The following PARVA variants were observed in gnomAD, a reference collection of about 807,000 sequenced individuals.
PARVA encodes the protein alpha-parvin.
In PARVA, 25 loss-of-function variants were observed where a neutral mutation model predicts 52.6. The observed-to-expected ratio is 0.48, with a 90% CI of 0.35 to 0.66. The LOEUF (loss-of-function observed/expected upper bound fraction) is 0.66, where lower values mean the gene tolerates loss of function less well. Ranked by LOEUF, PARVA falls within the 30% of genes least tolerant of loss-of-function variation. The pLI is 0.01. For synonymous variants in PARVA, 185 were observed against 179.1 expected, an observed-to-expected ratio of 1.03 and a Z score of -0.26; for missense variants, 373 against 450.9, an observed-to-expected ratio of 0.83 and a Z score of 1.56.
chr11:12,388,083 A>T (rs1319255720), intron 1 of PARVA, among the ~76,000 whole-genome samples: 1 of 152,196 alleles, frequency 6.6e-6, no homozygotes, highest in Non-Finnish European at 1.5e-5. Flanking sequence ...AATCAGCCAG[A>T]TGCAGAGCCA....
rs372405862 is a variant in PARVA at position 12,504,447 on chromosome 11, A to G, written c.657+18A>G. On this transcript the variant is annotated intron_variant, in intron 6 of 12. Transcript: ENST00000334956. ...TGGTCCAGGTAAGACAGGTAACACT[A>G]CAAACATCTGTGTCTTTAAAGAGTC... 1.3e-4 allele frequency: 195 copies of G among 1,472,158 alleles called. 1 individual carries two copies. The highest frequency in any genetic ancestry group is 1.7e-4 in the Non-Finnish European group (182 of 1,051,256). 91.2% of individuals were successfully genotyped at this position (1,472,158 alleles called of 1,614,324 possible). A position where few individuals can be genotyped will look rare whatever the true frequency, so the allele number is the denominator to read the frequency against.
At chr11:12,488,335 T>C (rs938817737) in intron 4 of PARVA, among the ~76,000 whole-genome samples, 2 of 152,210 alleles carry the variant, frequency 1.3e-5, no homozygotes, top group African/African-American at 4.8e-5. Flanking sequence ...AAAATCTGGA[T>C]AAGCCTTCAA....
At position 12,477,931 on chromosome 11, in the gene PARVA, G is replaced by A. The variant is rs1180694478; in HGVS notation, c.382G>A (p.Val128Ile). The A allele has an allele frequency of 1.2e-6, 2 of 1,604,596 alleles. No homozygotes were observed. Among genetic ancestry groups the A allele is most frequent in the South Asian group, 1.1e-5 (1 of 90,860 alleles). ...AGCTGAAGATTTGTATGATGGACAAGTCCTGCAGAAGCTTTTCGGTAGGAG... is the reference window on the plus strand; with the variant it reads ...AGCTGAAGATTTGTATGATGGACAAATCCTGCAGAAGCTTTTCGGTAGGAG... ...DLAEDLYDGQ[V>I]LQKLFEKLES... is the part of the protein sequence containing the mutation. The change falls in exon 4 of 13, where the codon GTC (valine) becomes ATC (isoleucine). Residue 128 changes from valine to isoleucine, a missense_variant. Transcript: ENST00000334956.
At chr11:12,449,876 T>C (rs1940600513) in intron 1 of PARVA, among the ~76,000 whole-genome samples, 1 of 152,218 alleles carries the variant, frequency 6.6e-6, no homozygotes, top group East Asian at 1.9e-4. Flanking sequence ...AGCTAGATTG[T>C]AAGCATATTA....
chr11:12,457,806 A>ACAGATGCACG (rs11280605), intron 1 of PARVA, among the ~76,000 whole-genome samples: 1 of 151,870 alleles, frequency 6.6e-6, no homozygotes, highest in Non-Finnish European at 1.5e-5. Flanking sequence ...AGATATGCAC[A>ACAGATGCACG]ATTGCAAACT....
intron 1 of PARVA, among the ~76,000 whole-genome samples, chr11:12,421,167 T>G (rs1940144044): frequency 1.3e-5 from 2 of 152,030 alleles, no homozygotes; most frequent in South Asian, 4.2e-4. Flanking sequence ...GAGGGGCAAC[T>G]AAGGATCTGA....
chr11:12,380,824 G>A (rs1167695407), intron 1 of PARVA, among the ~76,000 whole-genome samples: 1 of 152,118 alleles, frequency 6.6e-6, no homozygotes, highest in Non-Finnish European at 1.5e-5. Context: ...CAGCCACGTC[G>A]CACTGTGATC....
At chr11:12,469,411 C>T (rs943453849) in intron 1 of PARVA, among the ~76,000 whole-genome samples, 4 of 152,204 alleles carry the variant, frequency 2.6e-5, no homozygotes, top group African/African-American at 7.2e-5. Flanking sequence ...GCGAGACATT[C>T]GGACCCAGTT....
At chr11:12,440,491 C>T (rs1360685221) in intron 1 of PARVA, among the ~76,000 whole-genome samples, 1 of 152,200 alleles carries the variant, frequency 6.6e-6, no homozygotes, top group Non-Finnish European at 1.5e-5. Context: ...TTATCACAAA[C>T]TTAGCAGCTT....
At chr11:12,467,953 T>C (rs150422007) in intron 1 of PARVA, among the ~76,000 whole-genome samples, 1 of 152,232 alleles carries the variant, frequency 6.6e-6, no homozygotes, top group Non-Finnish European at 1.5e-5. Context: ...TTCCCTGTGC[T>C]CAGACATAAT....
chr11:12,533,244 G>T lies in PARVA; in HGVS notation c.*5319G>T, dbSNP rs1289733980. Reference sequence around the variant, plus strand: ...GGGAATGAAATAAGGGGCCTACCAGGCCAGAACGCTGATCCATGGAGACCA... The same window carrying T: ...GGGAATGAAATAAGGGGCCTACCAGTCCAGAACGCTGATCCATGGAGACCA... On this transcript the variant is annotated 3_prime_UTR_variant, in exon 13 of 13. Coordinates refer to ENST00000334956, the MANE Select transcript of PARVA (RefSeq NM_018222.5). 6.6e-6 allele frequency among the ~76,000 whole-genome samples: 1 copy of T among 152,218 alleles called. No individual in the cohort carries two copies. Among genetic ancestry groups the T allele is most frequent in the African/African-American group, 2.4e-5 (1 of 41,448 alleles).
chr11:12,513,848 CAGAG>C (rs1941534140), intron 9 of PARVA, 145 bp from the exon 10 acceptor site: 1 of 677,370 alleles, frequency 1.5e-6, no homozygotes, highest in Non-Finnish European at 2.6e-6. Flanking sequence ...ATGGCCTTTG[CAGAG>C]AGAGCTCCTG....
intron 1 of PARVA, among the ~76,000 whole-genome samples, chr11:12,430,509 T>C (rs569670867): frequency 4.6e-5 from 7 of 152,256 alleles, no homozygotes; most frequent in African/African-American, 1.4e-4. Flanking sequence ...CAGGTCTTTG[T>C]TGCTCACACT....
rs1319521582 is a variant in PARVA, at chr11:12,396,911, T to TTC, written c.136+19129_136+19130dup. 2.6e-3 allele frequency among the ~76,000 whole-genome samples: 329 copies of TTC among 125,652 alleles called. 3 individuals are homozygous for TTC. Among genetic ancestry groups the TTC allele is most frequent in the African/African-American group, 4.6e-3 (141 of 30,372 alleles). The allele number at this position is 125,652 out of a possible 152,430, so 82.4% of individuals were successfully genotyped here. A position where few individuals can be genotyped will look rare whatever the true frequency, so the allele number is the denominator to read the frequency against. On this transcript the variant is annotated intron_variant, in intron 1 of 12. Transcript: ENST00000334956. ...CTTTCTTCCTTTCTTCCTTTCTCCT[T>TTC]TCCTTTCATGTACTTGTTTTCTTTC...
intron 1 of PARVA, among the ~76,000 whole-genome samples, chr11:12,455,965 A>G (rs1940688610): frequency 1.3e-5 from 2 of 152,254 alleles, no homozygotes; most frequent in East Asian, 1.9e-4. Context: ...ATGTCCTTCA[A>G]TGTCATGAAG....
upstream of PARVA, chr11:12,377,487 A>T: frequency 5.0e-6 from 7 of 1,407,684 alleles, no homozygotes; most frequent in Admixed American, 3.1e-5. Context: ...GGAGCGAGGG[A>T]GGGAGCGAGG....
chr11:12,486,767 G>A (rs1941164261), intron 4 of PARVA, among the ~76,000 whole-genome samples: 2 of 152,046 alleles, frequency 1.3e-5, no homozygotes, highest in East Asian at 1.9e-4. Flanking sequence ...GATCACTTGA[G>A]CCCAGGAGGC....
chr11:12,404,923 A>G (rs138118729), intron 1 of PARVA, among the ~76,000 whole-genome samples: 1 of 152,248 alleles, frequency 6.6e-6, no homozygotes, highest in Non-Finnish European at 1.5e-5. Context: ...CCCAAGGTCC[A>G]TATGGGAGCA....
chr11:12,408,827 C>T (rs923192303), intron 1 of PARVA, among the ~76,000 whole-genome samples: 12 of 152,080 alleles, frequency 7.9e-5, no homozygotes, highest in Admixed American at 6.6e-4. Flanking sequence ...GCGGGGTGGT[C>T]ACTTCAGAGC....
Sources: gnomAD v4.1 joint callset for allele counts (sites outside exome capture counted in the v4.1 genomes callset) on GRCh38, gnomAD v4.1.1 for gene constraint, MANE v1.5 for transcripts, NCBI Gene and HGNC (gene_info 2026-07-23, HGNC 2026-07-21) for gene names.